Variants in STXBP5L observed in about 807,000 individuals in gnomAD.
The protein encoded by STXBP5L is syntaxin binding protein 5L, also known as syntaxin-binding protein 5-like.
STXBP5L carries 65 observed loss-of-function variants against 144.5 expected under a neutral mutation model. The ratio of observed to expected loss-of-function variants is 0.45; its 90% CI spans 0.37 to 0.55. STXBP5L has a LOEUF of 0.55. STXBP5L is among the 20% of genes least tolerant of loss of function. The pLI is 0.00. For synonymous variants in STXBP5L, 505 were observed against 469.6 expected, an observed-to-expected ratio of 1.08 and a Z score of -0.97; for missense variants, 1,298 against 1,405.5, an observed-to-expected ratio of 0.92 and a Z score of 1.22.
intron 3 of STXBP5L, among the ~76,000 whole-genome samples, chr3:121,025,126 A>T (rs1945836749): frequency 6.6e-6 from 1 of 152,154 alleles, no homozygotes; most frequent in East Asian, 1.9e-4. Flanking sequence ...CTCAATTAAT[A>T]AGAGAAGTTA....
chr3:121,276,602 G>A (rs1488250014), intron 18 of STXBP5L, among the ~76,000 whole-genome samples: 4 of 151,656 alleles, frequency 2.6e-5, no homozygotes, highest in Admixed American at 2.6e-4. Context: ...CTTGAAAGAT[G>A]TATTTGCTGG....
At chr3:121,356,453 T>C (rs1250168497) in intron 20 of STXBP5L, among the ~76,000 whole-genome samples, 1 of 152,222 alleles carries the variant, frequency 6.6e-6, no homozygotes, top group African/African-American at 2.4e-5. Flanking sequence ...CAGATTGCTG[T>C]GCTAGCAGTG....
At chr3:121,210,911 CG>C (rs1227061217) in intron 10 of STXBP5L, among the ~76,000 whole-genome samples, 1 of 152,118 alleles carries the variant, frequency 6.6e-6, no homozygotes, top group African/African-American at 2.4e-5. Flanking sequence ...CTTGGCAATA[CG>C]GGACCTTTTT....
At chr3:121,042,261 C>T (rs569990787) in intron 4 of STXBP5L, among the ~76,000 whole-genome samples, 107 of 151,904 alleles carry the variant, frequency 7.0e-4, no homozygotes, top group Middle Eastern at 3.4e-3. Context: ...TTTTTGTGTC[C>T]GTAGTTATTA....
chr3:121,130,613 A>G (rs1465544452), intron 7 of STXBP5L, among the ~76,000 whole-genome samples: 3 of 152,162 alleles, frequency 2.0e-5, no homozygotes, highest in Non-Finnish European at 2.9e-5. Flanking sequence ...AGCTGGTTAC[A>G]GACTGTTGCT....
intron 9 of STXBP5L, among the ~76,000 whole-genome samples, chr3:121,187,895 T>C (rs1347731859): frequency 6.6e-6 from 1 of 151,734 alleles, no homozygotes; most frequent in Non-Finnish European, 1.5e-5. Flanking sequence ...GTTGCAATCC[T>C]ACTCTCTGAT....
Position 121,401,022 on chromosome 3 carries a change from AT to A in STXBP5L, c.2588-6211del, listed in dbSNP as rs199578909. Among the ~76,000 whole-genome samples the A allele has an allele frequency of 1.5e-3, 222 of 149,980 alleles. 1 individual carries two copies. Among genetic ancestry groups the A allele is most frequent in the South Asian group, 4.4e-3 (21 of 4,726 alleles). On this transcript the variant is annotated intron_variant, in intron 22 of 26. Transcript: ENST00000471454. Reference sequence around the variant, plus strand: ...ACCTTCAATGGTACCTCTTCTCCCAATTTTTTTTTTATATGTTTTGCTCATT... The same window carrying A: ...ACCTTCAATGGTACCTCTTCTCCCAATTTTTTTTTATATGTTTTGCTCATT...
At chr3:121,020,566 A>C (rs560228487) in intron 3 of STXBP5L, among the ~76,000 whole-genome samples, 1 of 152,346 alleles carries the variant, frequency 6.6e-6, no homozygotes, top group East Asian at 1.9e-4. Flanking sequence ...CAGATTTCTC[A>C]GCAGAAACCA....
chr3:121,315,548 G>T (rs1456125474), intron 19 of STXBP5L, among the ~76,000 whole-genome samples: 1 of 151,396 alleles, frequency 6.6e-6, no homozygotes, highest in African/African-American at 2.4e-5. Flanking sequence ...ACAAGTTAAT[G>T]GGTGCAGCAT....
At chr3:121,320,860 C>T (rs996853456) in intron 20 of STXBP5L, among the ~76,000 whole-genome samples, 2 of 151,942 alleles carry the variant, frequency 1.3e-5, no homozygotes, top group Non-Finnish European at 2.9e-5. Context: ...GTCACACACC[C>T]AGCTGATTTT....
intron 6 of STXBP5L, among the ~76,000 whole-genome samples, 197 bp downstream of exon 6, chr3:121,115,256 A>G (rs776407328): frequency 1.6e-4 from 24 of 152,164 alleles, no homozygotes; most frequent in Non-Finnish European, 2.5e-4. Flanking sequence ...TCCAAATACC[A>G]TAAATAATTA....
chr3:121,010,476 A>G (rs944243524), intron 3 of STXBP5L, among the ~76,000 whole-genome samples: 4 of 151,566 alleles, frequency 2.6e-5, no homozygotes, highest in African/African-American at 4.8e-5. Context: ...CTAGTGTTAC[A>G]GCATTATTCC....
intron 3 of STXBP5L, among the ~76,000 whole-genome samples, chr3:121,029,300 C>T (rs946795176): frequency 2.6e-5 from 4 of 152,114 alleles, no homozygotes; most frequent in African/African-American, 7.2e-5. Flanking sequence ...CTTACAGTAA[C>T]CAAAACAGCA....
intron 3 of STXBP5L, among the ~76,000 whole-genome samples, chr3:120,984,773 G>A (rs1236087894): frequency 1.3e-5 from 2 of 151,388 alleles, no homozygotes; most frequent in Non-Finnish European, 2.9e-5. Context: ...TCACCACTGA[G>A]TATGATGTAT....
intron 2 of STXBP5L, among the ~76,000 whole-genome samples, chr3:120,923,595 A>G (rs1173982714): frequency 1.3e-5 from 2 of 151,650 alleles, no homozygotes; most frequent in Admixed American, 6.6e-5. Flanking sequence ...TCATTGACTC[A>G]TTTGTCATTC....
intron 5 of STXBP5L, among the ~76,000 whole-genome samples, chr3:121,092,584 G>T (rs998660210): frequency 2.0e-5 from 3 of 152,108 alleles, no homozygotes; most frequent in Non-Finnish European, 4.4e-5. Context: ...TCTGTTATTG[G>T]TGTATAAGAA....
intron 8 of STXBP5L, among the ~76,000 whole-genome samples, chr3:121,156,543 G>T (rs1017797304): frequency 1.3e-5 from 2 of 151,800 alleles, no homozygotes; most frequent in Non-Finnish European, 2.9e-5. Flanking sequence ...AAATGCATAT[G>T]ACATTAATTA....
chr3:121,088,263 C>A (rs1178017033), intron 5 of STXBP5L, among the ~76,000 whole-genome samples: 3 of 130,166 alleles, frequency 2.3e-5, no homozygotes, highest in African/African-American at 8.8e-5. Flanking sequence ...CAAACAACCC[C>A]ATCAAAAAGT....
chr3:121,211,046 A>G (rs1033197027), intron 10 of STXBP5L, among the ~76,000 whole-genome samples: 1 of 152,166 alleles, frequency 6.6e-6, no homozygotes, highest in Admixed American at 6.5e-5. Context: ...CACAATATTG[A>G]TTCTTCCTAC....
Sources: gnomAD v4.1 joint callset for allele counts (sites outside exome capture counted in the v4.1 genomes callset) on GRCh38, gnomAD v4.1.1 for gene constraint, MANE v1.5 for transcripts, NCBI Gene and HGNC (gene_info 2026-07-23, HGNC 2026-07-21) for gene names.